Variants in NEDD4 observed in about 807,000 individuals in gnomAD.
The protein encoded by NEDD4 is NEDD4 E3 ubiquitin protein ligase, also known as E3 ubiquitin-protein ligase NEDD4.
A neutral mutation model predicts 144.9 loss-of-function variants in NEDD4; 99 were observed. The observed-to-expected ratio is 0.68, with a 90% CI of 0.58 to 0.81. NEDD4 has a LOEUF of 0.81. Ranked by LOEUF, NEDD4 falls within the 30% of genes least tolerant of loss-of-function variation. NEDD4 has a pLI of 0.00. For synonymous variants in NEDD4, 318 were observed against 350.6 expected (o/e 0.91, Z 1.04); for missense variants, 985 against 1,065.9 (o/e 0.92, Z 1.06).
At chr15:55,908,353 A>T (rs2036166217) in intron 5 of NEDD4, among the ~76,000 whole-genome samples, 1 of 152,200 alleles carries the variant, frequency 6.6e-6, no homozygotes, top group Non-Finnish European at 1.5e-5. Context: ...ACCTATTGCC[A>T]TATCTCCATC....
chr15:55,837,999 G>C (rs2033291083), intron 23 of NEDD4, 108 bp downstream of exon 23: 1 of 920,438 alleles, frequency 1.1e-6, no homozygotes, highest in South Asian at 1.7e-5. Context: ...TAGAGAAAAA[G>C]AACACTGAGA....
intron 5 of NEDD4, among the ~76,000 whole-genome samples, chr15:55,889,082 C>G (rs1184109678): frequency 2.0e-5 from 3 of 152,076 alleles, no homozygotes; most frequent in African/African-American, 7.2e-5. Context: ...ACAACCAAAT[C>G]AAAATGGACA....
intron 8 of NEDD4, among the ~76,000 whole-genome samples, chr15:55,866,028 C>A (rs1322006825): frequency 2.0e-5 from 3 of 151,996 alleles, no homozygotes; most frequent in Non-Finnish European, 4.4e-5. Context: ...ACCTCTTGAG[C>A]TCAAGCAATC....
chr15:55,989,480 C>T (rs922631013), intron 1 of NEDD4, among the ~76,000 whole-genome samples: 4 of 152,178 alleles, frequency 2.6e-5, no homozygotes, highest in Non-Finnish European at 4.4e-5. Flanking sequence ...TGTTCCCAGA[C>T]TGAGTAAGGG....
chr15:55,931,739 A>C (rs1459032495), intron 4 of NEDD4, among the ~76,000 whole-genome samples: 2 of 152,236 alleles, frequency 1.3e-5, no homozygotes, highest in Non-Finnish European at 2.9e-5. Flanking sequence ...ATACAGATAC[A>C]TCTTTAAAAT....
intron 2 of NEDD4, among the ~76,000 whole-genome samples, chr15:55,954,485 A>G (rs1380360134): frequency 6.6e-6 from 1 of 152,204 alleles, no homozygotes; most frequent in Non-Finnish European, 1.5e-5. Context: ...CCAGCTAAAC[A>G]AATACACTTG....
chr15:55,988,607 AAG>A (rs1213089021), intron 1 of NEDD4, among the ~76,000 whole-genome samples: 1 of 152,170 alleles, frequency 6.6e-6, no homozygotes, highest in East Asian at 1.9e-4. Flanking sequence ...GAAAAGGAAA[AAG>A]AGAAATTATT....
chr15:55,916,131 T>A (rs199530416), intron 5 of NEDD4: 1 of 1,613,946 alleles, frequency 6.2e-7, no homozygotes, highest in East Asian at 2.2e-5. Flanking sequence ...GACAAAAGGA[T>A]CTGTACTTGT....
Position 55,842,003 on chromosome 15 carries a change from C to CAA in NEDD4, c.1768_1769insTT (p.Arg590IlefsTer7). ...CTTTGAGATCAGGAAGAACCATTCT[C>CAA]TGGCAACTCCTCCATAATCCAATCC... On this transcript the variant is annotated frameshift_variant, in exon 19 of 29. Coordinates refer to ENST00000435532, the MANE Select transcript of NEDD4 (RefSeq NM_006154.4). LOFTEE classifies it high-confidence loss of function. The CAA allele has an allele frequency of 6.2e-7, 1 of 1,614,228 alleles. No individual in the cohort carries two copies.
chr15:55,869,887 A>ATAAATAAC, intron 7 of NEDD4, among the ~76,000 whole-genome samples: 1 of 149,456 alleles, frequency 6.7e-6, no homozygotes, highest in African/African-American at 2.4e-5. Flanking sequence ...AAATAAATAA[A>ATAAATAAC]TAAATAATTG....
chr15:55,960,693 C>G (rs1404206521), intron 2 of NEDD4, among the ~76,000 whole-genome samples: 2 of 152,260 alleles, frequency 1.3e-5, no homozygotes, highest in South Asian at 4.1e-4. Context: ...GTTCTGTCCC[C>G]CTAGAGAACC....
intron 5 of NEDD4, among the ~76,000 whole-genome samples, chr15:55,917,309 G>A (rs1040934220): frequency 9.9e-5 from 15 of 152,084 alleles, no homozygotes; most frequent in South Asian, 4.1e-4. Context: ...TTCTCCAGCC[G>A]ACTTTGCCCA....
At position 55,841,965 on chromosome 15, in the gene NEDD4, G is replaced by T; in HGVS notation, c.1807C>A (p.Pro603Thr). 1 of 1,613,832 alleles carries T rather than the reference G, an allele frequency of 6.2e-7. No homozygotes were observed. The highest frequency in any genetic ancestry group is 8.5e-7 in the Non-Finnish European group (1 of 1,179,822). ...GAATATTCAAACAACCCATAATAAG[G>T]GTTAAACATTTCCTTTGAGATCAGG... The part of the protein sequence containing the change: ...FFLISKEMFN[P>T]YYGLFEYSAT... Residue 603 changes from proline (P) to threonine (T), a missense_variant, in exon 19 of 29, where the codon CCT becomes ACT. By Grantham distance (38) the Pro-to-Thr change is conservative. Coordinates refer to ENST00000435532, the MANE Select transcript of NEDD4 (RefSeq NM_006154.4).
intron 5 of NEDD4, among the ~76,000 whole-genome samples, chr15:55,895,013 G>A (rs1206341157): frequency 6.6e-6 from 1 of 152,080 alleles, no homozygotes; most frequent in East Asian, 1.9e-4. Context: ...AAAAAAGGGA[G>A]GGGCTCATCC....
intron 2 of NEDD4, among the ~76,000 whole-genome samples, chr15:55,966,194 C>G (rs568986926): frequency 3.3e-5 from 5 of 152,164 alleles, no homozygotes; most frequent in Non-Finnish European, 5.9e-5. Context: ...TGGTTGTTAT[C>G]TGCTAAAGGA....
At chr15:55,931,196 C>G (rs1053851594) in intron 4 of NEDD4, among the ~76,000 whole-genome samples, 39 of 152,230 alleles carry the variant, frequency 2.6e-4, no homozygotes, top group African/African-American at 8.4e-4. Context: ...TATGAACAGC[C>G]AAACATAAGT....
At chr15:55,928,130 C>T (rs2036710156) in intron 4 of NEDD4, among the ~76,000 whole-genome samples, 1 of 152,138 alleles carries the variant, frequency 6.6e-6, no homozygotes, top group Non-Finnish European at 1.5e-5. Flanking sequence ...CTGCCTCGAC[C>T]TCCCAAGTAG....
At chr15:55,862,771 G>C in intron 9 of NEDD4, 142 bp downstream of exon 9, 2 of 715,846 alleles carry the variant, frequency 2.8e-6, no homozygotes, top group Non-Finnish European at 4.1e-6. Flanking sequence ...GATTTTTAAA[G>C]TCCTGGGCAA....
chr15:55,870,651 A>T (rs2034758326), intron 7 of NEDD4, among the ~76,000 whole-genome samples: 2 of 150,678 alleles, frequency 1.3e-5, no homozygotes, highest in Non-Finnish European at 2.9e-5. Context: ...TTCACACCTT[A>T]GCCTCCTAAA....
Sources: allele counts gnomAD v4.1 joint callset (sites outside exome capture counted in the v4.1 genomes callset), GRCh38; gene constraint gnomAD v4.1.1; transcripts MANE v1.5; gene names NCBI Gene and HGNC (gene_info 2026-07-23, HGNC 2026-07-21).